PTPRT: variants seen among roughly 807,000 people sequenced by gnomAD.
PTPRT encodes the protein protein tyrosine phosphatase receptor type T.
Under a neutral mutation model 176.8 loss-of-function variants are expected in PTPRT, and 56 were observed. That is an observed-to-expected ratio of 0.32 (90% CI 0.26 to 0.40). The LOEUF (loss-of-function observed/expected upper bound fraction) is 0.40, where lower values mean the gene tolerates loss of function less well. PTPRT is among the 10% of genes least tolerant of loss of function. PTPRT has a pLI of 1.00. For missense variants in PTPRT, 1,540 were observed against 1,908.2 expected (o/e 0.81, Z 3.60); for synonymous variants, 783 against 739.0 (o/e 1.06, Z -0.96).
rs557433324 is a variant in PTPRT, at chr20:42,617,733, G to T, written c.1153+60133C>A. 7.3e-4 allele frequency among the ~76,000 whole-genome samples: 102 copies of T among 139,506 alleles called. 9 individuals are homozygous for T. Among genetic ancestry groups the T allele is most frequent in the Non-Finnish European group, 1.3e-3 (88 of 66,054 alleles). The allele number at this position is 139,506 out of a possible 152,430, so 91.5% of individuals were successfully genotyped here. A position where few individuals can be genotyped will look rare whatever the true frequency, so the allele number is the denominator to read the frequency against. On this transcript the variant is annotated intron_variant, in intron 7 of 30. Transcript: ENST00000373187. ...TTTTCTAGTTTATTTGCGTAGAGGT[G>T]TTTGTAGTACTCTCTGATAGTAGTT...
At position 43,118,691 on chromosome 20, in the gene PTPRT, A is replaced by G. The variant is rs1185631475; in HGVS notation, c.88+70955T>C. 4.6e-5 allele frequency among the ~76,000 whole-genome samples: 7 copies of G among 152,000 alleles called. 1 individual carries two copies. Among genetic ancestry groups the G allele is most frequent in the Non-Finnish European group, 1.0e-4 (7 of 68,000 alleles). ...CTGACCTCGTGATCCACCCGCCTCA[A>G]CCTCCCAAAGTGCTGGGATTACAGG... On this transcript the variant is annotated intron_variant, in intron 1 of 30. Transcript: ENST00000373187.
chr20:42,989,774 T>C lies in PTPRT; in HGVS notation c.89-103842A>G, dbSNP rs562581738. On this transcript the variant is annotated intron_variant, in intron 1 of 30. Coordinates refer to ENST00000373187, the MANE Select transcript of PTPRT (RefSeq NM_007050.6). ...ATGCTTCATTTACCTTACTTAAGTA[T>C]GATTTCAACTGGGAAAATTGATGAT... Among the ~76,000 whole-genome samples the C allele has an allele frequency of 4.7e-3, 716 of 152,352 alleles. 8 individuals are homozygous for C. Among genetic ancestry groups the C allele is most frequent in the African/African-American group, 0.017 (687 of 41,574 alleles).
intron 1 of PTPRT, among the ~76,000 whole-genome samples, chr20:42,912,663 T>G (rs1216707111): frequency 1.3e-5 from 2 of 152,218 alleles, no homozygotes; most frequent in Non-Finnish European, 2.9e-5. Flanking sequence ...TGTTAAATTA[T>G]GAATACATTT....
chr20:42,724,923 C>T (rs566749191), intron 6 of PTPRT, among the ~76,000 whole-genome samples: 15 of 152,160 alleles, frequency 9.9e-5, no homozygotes, highest in Admixed American at 3.3e-4. Flanking sequence ...ACCTCAAAAT[C>T]CTTAACTCCA....
At chr20:42,984,428 T>C (rs189884645) in intron 1 of PTPRT, among the ~76,000 whole-genome samples, 1 of 152,220 alleles carries the variant, frequency 6.6e-6, no homozygotes, top group Admixed American at 6.5e-5. Context: ...AATACAGCTC[T>C]CCACTTTCTG....
intron 12 of PTPRT, among the ~76,000 whole-genome samples, chr20:42,307,978 C>T (rs1371002521): frequency 1.3e-5 from 2 of 152,144 alleles, no homozygotes; most frequent in African/African-American, 4.8e-5. Context: ...TATAATGCAT[C>T]AGCATGCTAA....
chr20:43,082,131 G>A (rs1232003634), intron 1 of PTPRT, among the ~76,000 whole-genome samples: 2 of 151,996 alleles, frequency 1.3e-5, no homozygotes, highest in Non-Finnish European at 2.9e-5. Context: ...TTCAACCTGT[G>A]TCTTTGTTTA....
At chr20:43,182,371 A>C (rs1241156859) in intron 1 of PTPRT, among the ~76,000 whole-genome samples, 1 of 151,928 alleles carries the variant, frequency 6.6e-6, no homozygotes, top group East Asian at 1.9e-4. Flanking sequence ...TAAGAAAGTT[A>C]GAAGTTTGCA....
At position 42,431,919 on chromosome 20, in the gene PTPRT, C is replaced by T. The variant is rs116813203; in HGVS notation, c.1560+16301G>A. Among the ~76,000 whole-genome samples, 747 of 152,278 alleles carry T rather than the reference C, an allele frequency of 4.9e-3. 6 individuals are homozygous for T. The highest frequency in any genetic ancestry group is 0.017 in the African/African-American group (698 of 41,550). On this transcript the variant is annotated intron_variant, in intron 9 of 30. Coordinates refer to ENST00000373187, the MANE Select transcript of PTPRT (RefSeq NM_007050.6). ...TCCAAGTGGTAACACAGGTAAGCAT[C>T]ATCAAAAAGAACTGCCTCTCACAAC...
intron 7 of PTPRT, among the ~76,000 whole-genome samples, chr20:42,548,342 G>A (rs1464340571): frequency 6.6e-6 from 1 of 151,990 alleles, no homozygotes; most frequent in Non-Finnish European, 1.5e-5. Context: ...TGAATAATGA[G>A]CTCTGAGAAA....
At position 42,935,963 on chromosome 20, in the gene PTPRT, G is replaced by T. The variant is rs4812660; in HGVS notation, c.89-50031C>A. ...GAGTTTGTCCATGTTGGTCAGGCTG[G>T]TCTCGAACTCCCAACCTCAGGTAAT... On this transcript the variant is annotated intron_variant, in intron 1 of 30. Transcript: ENST00000373187. Among the ~76,000 whole-genome samples, 1,478 of 152,288 alleles carry T rather than the reference G, an allele frequency of 9.7e-3. 53 individuals are homozygous for T. Among genetic ancestry groups the T allele is most frequent in the Admixed American group, 0.07 (1,071 of 15,290 alleles).
At chr20:42,956,494 T>C (rs535476659) in intron 1 of PTPRT, among the ~76,000 whole-genome samples, 1 of 152,158 alleles carries the variant, frequency 6.6e-6, no homozygotes, top group South Asian at 2.1e-4. Flanking sequence ...GCCTTGATTG[T>C]AAGCTTCCTG....
chr20:42,306,953 G>T (rs1433199244), intron 12 of PTPRT, among the ~76,000 whole-genome samples: 2 of 152,180 alleles, frequency 1.3e-5, no homozygotes, highest in East Asian at 3.9e-4. Context: ...ATAGGTGAAA[G>T]CACCTTGCTT....
At chr20:42,809,282 A>G (rs1168853652) in intron 2 of PTPRT, among the ~76,000 whole-genome samples, 1 of 152,026 alleles carries the variant, frequency 6.6e-6, no homozygotes, top group Non-Finnish European at 1.5e-5. Context: ...GCTGCCGGAA[A>G]CAAACGCAAG....
Position 42,582,832 on chromosome 20 carries a change from TA to T in PTPRT, c.1153+95033del, listed in dbSNP as rs370715948. Reference sequence around the variant, plus strand: ...TCCTTTTCCCAATCCAAATTTGAGCTACAGATTTGAGCCCCAAATTAATCCC... The same window carrying T: ...TCCTTTTCCCAATCCAAATTTGAGCTCAGATTTGAGCCCCAAATTAATCCC... On this transcript the variant is annotated intron_variant, in intron 7 of 30. Coordinates refer to ENST00000373187, the MANE Select transcript of PTPRT (RefSeq NM_007050.6). 2.1e-3 allele frequency among the ~76,000 whole-genome samples: 318 copies of T among 152,300 alleles called. 1 individual carries two copies. Among genetic ancestry groups the T allele is most frequent in the South Asian group, 0.02 (96 of 4,828 alleles).
intron 1 of PTPRT, among the ~76,000 whole-genome samples, chr20:43,016,645 T>C (rs1985390131): frequency 7.1e-6 from 1 of 140,914 alleles, no homozygotes. Flanking sequence ...CTTCAAGTAA[T>C]CCTCCTGCCT....
intron 7 of PTPRT, among the ~76,000 whole-genome samples, chr20:42,580,282 T>A (rs2073347472): frequency 6.6e-6 from 1 of 152,170 alleles, no homozygotes; most frequent in Admixed American, 6.5e-5. Flanking sequence ...TTGGTACCAG[T>A]ACCATGCTGT....
chr20:42,195,974 C>T (rs1025405703), intron 16 of PTPRT, among the ~76,000 whole-genome samples: 5 of 152,094 alleles, frequency 3.3e-5, no homozygotes, highest in South Asian at 2.1e-4. Context: ...AAGTTTTGGC[C>T]CATAGCGAAC....
intron 2 of PTPRT, among the ~76,000 whole-genome samples, chr20:42,832,041 G>T (rs1452666119): frequency 6.6e-6 from 1 of 152,142 alleles, no homozygotes; most frequent in African/African-American, 2.4e-5. Flanking sequence ...ACACCCAAAG[G>T]AATATAAATC....
Sources: allele counts gnomAD v4.1 joint callset (sites outside exome capture counted in the v4.1 genomes callset), GRCh38; gene constraint gnomAD v4.1.1; transcripts MANE v1.5; gene names NCBI Gene and HGNC (gene_info 2026-07-23, HGNC 2026-07-21).